CFAP65: variants seen among roughly 807,000 people sequenced by gnomAD.
The protein encoded by CFAP65 is cilia- and flagella-associated protein 65.
In CFAP65, 155 loss-of-function variants were observed where a neutral mutation model predicts 208.0. The observed-to-expected ratio is 0.75, with a 90% CI of 0.65 to 0.85. The LOEUF (loss-of-function observed/expected upper bound fraction) is 0.85. Ranked by LOEUF, CFAP65 falls within the 40% of genes least tolerant of loss-of-function variation. The probability of loss-of-function intolerance (pLI) is 0.00; values close to 1 mark genes in which losing one functional copy is unlikely to be tolerated. For missense variants in CFAP65, 2,294 were observed against 2,451.3 expected (o/e 0.94, Z 1.36); for synonymous variants, 970 against 986.3 (o/e 0.98, Z 0.31).
intron 11 of CFAP65, 93 bp from the exon 12 acceptor site, chr2:219,028,494 C>T (rs1010740788): frequency 1.8e-6 from 2 of 1,115,818 alleles, no homozygotes; most frequent in Non-Finnish European, 2.7e-6. Flanking sequence ...GCTGGGCAGA[C>T]AGGATAACAG....
At chr2:219,035,395 T>C (rs769706295) in intron 5 of CFAP65, 85 bp downstream of exon 5, 1 of 1,611,700 alleles carries the variant, frequency 6.2e-7, no homozygotes, top group Non-Finnish European at 8.5e-7. Context: ...AAGGTTTTTT[T>C]TGTTTGTTTT....
Position 219,040,812 on chromosome 2 carries a change from C to T in CFAP65, c.-48-248G>A, listed in dbSNP as rs76042021. On this transcript the variant is annotated intron_variant, in intron 1 of 34. Transcript: ENST00000341552. ...AGGGAAGTGGTCCCAGGGCAAGGGA[C>T]GCTGGGTGCCAGCATCTTCTCAGAC... Among the ~76,000 whole-genome samples, 465 of 152,326 alleles carry T rather than the reference C, an allele frequency of 3.1e-3. 2 individuals are homozygous for T. Among genetic ancestry groups the T allele is most frequent in the Middle Eastern group, 0.01 (3 of 294 alleles).
intron 26 of CFAP65, 97 bp downstream of exon 26, chr2:219,010,449 C>A: frequency 7.6e-7 from 1 of 1,324,120 alleles, no homozygotes; most frequent in Admixed American, 2.6e-5. Flanking sequence ...AACTACATCT[C>A]ATGTCCCTCC....
chr2:219,011,535 G>A (rs60850212), intron 24 of CFAP65, among the ~76,000 whole-genome samples: 2,987 of 152,096 alleles, frequency 0.02, 100 homozygotes, highest in African/African-American at 0.068. Context: ...TCCCACCTTG[G>A]CCTCCCATAT....
At chr2:219,007,598 G>A (rs1946111870) in intron 29 of CFAP65, among the ~76,000 whole-genome samples, 1 of 152,118 alleles carries the variant, frequency 6.6e-6, no homozygotes, top group East Asian at 1.9e-4. Flanking sequence ...AGTGTAGGAA[G>A]GTTGTGAAAT....
chr2:219,007,305 C>G (rs1348740588), intron 29 of CFAP65, among the ~76,000 whole-genome samples: 1 of 151,768 alleles, frequency 6.6e-6, no homozygotes, highest in Non-Finnish European at 1.5e-5. Flanking sequence ...TCCCAAGTAG[C>G]TGGGACTACA....
At position 219,010,944 on chromosome 2, in the gene CFAP65, G is replaced by T. The variant is rs1185465881; in HGVS notation, c.4010C>A (p.Thr1337Asn). 2.5e-6 allele frequency: 4 copies of T among 1,613,860 alleles called. No individual in the cohort carries two copies. Among genetic ancestry groups the T allele is most frequent in the African/African-American group, 1.3e-5 (1 of 75,078 alleles). The change falls in exon 25 of 35, where the codon ACC becomes AAC. Residue 1337 changes from threonine (T) to asparagine (N), a missense_variant. Thr to Asn is a moderately conservative substitution (Grantham distance 65). This residue lies in a region of CFAP65 where 1,427 missense variants were observed against 1,438.7 expected (regional missense o/e 0.99). Transcript: ENST00000341552. ...TTCCTGAACCTGTGACAGGACATCG[G>T]TCTGGACCTCATATGTCACGGGCAC... ...GSVPVTYEVQ[T>N]DVLSQVQEKN...
chr2:219,021,148 G>C lies in CFAP65; in HGVS notation c.3259+4C>G, dbSNP rs751205517. On this transcript the variant is annotated splice_donor_region_variant and intron_variant, in intron 19 of 34. Coordinates refer to ENST00000341552, the MANE Select transcript of CFAP65 (RefSeq NM_194302.4). Reference sequence around the variant, plus strand: ...CGACTCTCTATGCCAGGCAGTCTAGGTACCTCTGTGGGAAAGGAGAGAGTA... The same window carrying C: ...CGACTCTCTATGCCAGGCAGTCTAGCTACCTCTGTGGGAAAGGAGAGAGTA... 1.3e-6 allele frequency: 2 copies of C among 1,550,106 alleles called. No individual in the cohort carries two copies. Among genetic ancestry groups the C allele is most frequent in the Non-Finnish European group, 1.7e-6 (2 of 1,145,362 alleles).
rs932826847 is a variant in CFAP65 at position 219,003,323 on chromosome 2, T to G, written c.5556-51A>C. ...AGGGCGGCCGCAGTGCCCGCGCGCCTCCTCGCTCGCCTGTCCGTGCGGTAC... is the reference window on the plus strand; with the variant it reads ...AGGGCGGCCGCAGTGCCCGCGCGCCGCCTCGCTCGCCTGTCCGTGCGGTAC... On this transcript the variant is annotated intron_variant, in intron 33 of 34. Transcript: ENST00000341552. The surrounding 1 kb of genome is among the most constrained non-coding windows in gnomAD (Gnocchi z 4.4). 2.0e-6 allele frequency: 3 copies of G among 1,476,198 alleles called. No individual in the cohort carries two copies. Among genetic ancestry groups the G allele is most frequent in the Non-Finnish European group, 2.7e-6 (3 of 1,112,660 alleles). The allele number at this position is 1,476,198 out of a possible 1,614,324, so 91.4% of individuals were successfully genotyped here.
intron 13 of CFAP65, 124 bp downstream of exon 13, chr2:219,027,526 G>A (rs1174104347): frequency 3.1e-6 from 5 of 1,610,700 alleles, no homozygotes; most frequent in Non-Finnish European, 4.2e-6. Context: ...GTCCAGCCAA[G>A]AGAAAGCCTG....
intron 9 of CFAP65, among the ~76,000 whole-genome samples, chr2:219,030,425 T>C (rs1947939907): frequency 6.6e-6 from 1 of 152,194 alleles, no homozygotes; most frequent in Admixed American, 6.5e-5. Context: ...ACCTTTTAAT[T>C]CTCCCCAGGG....
Position 219,006,961 on chromosome 2 carries a change from T to C in CFAP65, c.4675-452A>G, listed in dbSNP as rs542032788. Among the ~76,000 whole-genome samples the C allele has an allele frequency of 2.0e-5, 3 of 152,206 alleles. No individual in the cohort carries two copies. In the South Asian group the frequency reaches 6.2e-4, roughly 32 times the overall value. On this transcript the variant is annotated intron_variant, in intron 29 of 34. Transcript: ENST00000341552. ...TCTAGAACCTTCCCTAGAGAAGTGCTGCCTGCAGACCAGGAAATTCTGGTT... is the reference window on the plus strand; with the variant it reads ...TCTAGAACCTTCCCTAGAGAAGTGCCGCCTGCAGACCAGGAAATTCTGGTT...
At chr2:219,030,856 C>A (rs201297899) in intron 8 of CFAP65, 22 bp from the exon 9 acceptor site, 2 of 1,608,036 alleles carry the variant, frequency 1.2e-6, no homozygotes, top group East Asian at 4.5e-5. Context: ...ATGGGGGAGT[C>A]TTGGGGGAAC....
rs1256313348 is a variant in CFAP65 at position 219,011,966 on chromosome 2, C to A, written c.3958-970G>T. Among the ~76,000 whole-genome samples the A allele has an allele frequency of 2.6e-5, 4 of 152,212 alleles. No homozygotes were observed. In the East Asian group the frequency reaches 7.7e-4, roughly 29 times the overall value. On this transcript the variant is annotated intron_variant, in intron 24 of 34. Coordinates refer to ENST00000341552, the MANE Select transcript of CFAP65 (RefSeq NM_194302.4). ...GATTCGGCCACAAGGGCGGAGCCCT[C>A]ACAAGTGGGATTAGTGCCCTTATAA...
In CFAP65 at chr2:219,005,538, G is replaced by A; in HGVS notation, c.4947C>T (p.Pro1649=). ...LHRELPKRKA[P]REESETSEEK... ...CCTCAGAAGTCTCTGACTCTTCCCT[G>A]GGGGCCTTCCTCTTTGGCAGCTCCC... is the stretch of plus-strand genomic sequence containing the variant. The change falls in exon 32 of 35, where the codon CCC becomes CCT. Residue 1649 remains proline (P), a synonymous_variant. Transcript: ENST00000341552. The A allele has an allele frequency of 1.2e-6, 2 of 1,612,312 alleles. No homozygotes were observed. Among genetic ancestry groups the A allele is most frequent in the Non-Finnish European group, 1.7e-6 (2 of 1,179,892 alleles).
intron 14 of CFAP65, among the ~76,000 whole-genome samples, chr2:219,024,584 C>T (rs1947508787): frequency 6.6e-6 from 1 of 152,100 alleles, no homozygotes; most frequent in African/African-American, 2.4e-5. Flanking sequence ...GTCTTTGCAT[C>T]ACTCTTTGGA....
chr2:219,009,188 G>A (rs1332009889), intron 28 of CFAP65, 34 bp from the exon 29 acceptor site: 1 of 1,590,008 alleles, frequency 6.3e-7, no homozygotes, highest in Non-Finnish European at 8.6e-7. Flanking sequence ...GAAGGCCAAG[G>A]TCTGGAGCTT....
rs959783053 is a variant in CFAP65, at chr2:219,029,532, C to T, written c.1521G>A (p.Glu507=). ...AGGCAGGCCTGATGGTAAAGACACT[C>T]TCCAAGCAGTCGATGGCAAACTGGA... ...AHFQFAIDCL[E]SVFTIRPAFG... The change falls in exon 11 of 35, where the codon GAG becomes GAA. Residue 507 remains glutamate (E), a synonymous_variant. Coordinates refer to ENST00000341552, the MANE Select transcript of CFAP65 (RefSeq NM_194302.4). 1.9e-6 allele frequency: 3 copies of T among 1,614,122 alleles called. No homozygotes were observed. The South Asian group carries it at 3.3e-5, about 18-fold the overall frequency.
At chr2:219,034,356 GACTT>G (rs1481809303) in intron 5 of CFAP65, 1 of 152,154 alleles carries the variant, frequency 6.6e-6, no homozygotes, top group Non-Finnish European at 1.5e-5. Context: ...CAGCTATCAA[GACTT>G]ACTATTCATA....
Sources: allele counts gnomAD v4.1 joint callset (sites outside exome capture counted in the v4.1 genomes callset), GRCh38; gene constraint gnomAD v4.1.1; regional missense constraint gnomAD v4.1.1; non-coding constraint Gnocchi (gnomAD v3.1); transcripts MANE v1.5; gene names NCBI Gene and HGNC (gene_info 2026-07-23, HGNC 2026-07-21).